The following BBOF1 variants were observed in gnomAD, a reference collection of about 807,000 sequenced individuals.
BBOF1 encodes the protein basal body-orientation factor 1.
In BBOF1, 62 loss-of-function variants were observed where a neutral mutation model predicts 68.0. That is an observed-to-expected ratio of 0.91 (90% CI 0.74 to 1.13). BBOF1 has a LOEUF of 1.13. Ranked by LOEUF, BBOF1 falls within the 50% of genes most tolerant of loss-of-function variation. The pLI is 0.00. For missense variants in BBOF1, 534 were observed against 600.1 expected, an observed-to-expected ratio of 0.89 and a Z score of 1.15; for synonymous variants, 208 against 198.8, an observed-to-expected ratio of 1.05 and a Z score of -0.39.
At chr14:74,054,825 C>T in intron 8 of BBOF1, 2 of 174,928 alleles carry the variant, frequency 1.1e-5, no homozygotes, top group South Asian at 9.1e-5. Flanking sequence ...ATTAGAGGAG[C>T]CTGCCACCAT....
downstream of BBOF1, chr14:74,069,085 T>C: frequency 8.0e-7 from 1 of 1,256,160 alleles, no homozygotes. Flanking sequence ...TTTCCTGTGT[T>C]TTTCTTTTAC....
chr14:74,072,786 T>C (rs1327077293), intron 9 of BBOF1, among the ~76,000 whole-genome samples: 4 of 152,172 alleles, frequency 2.6e-5, no homozygotes, highest in Admixed American at 2.6e-4. Context: ...TCCCTATCTA[T>C]TCTGTGTGTG....
At chr14:74,070,985 T>C, downstream of BBOF1, 1 of 600,610 alleles carries the variant, frequency 1.7e-6, no homozygotes, top group Non-Finnish European at 3.0e-6. Context: ...AGTGTCCCAA[T>C]ATATACTGTA....
At chr14:74,021,991 A>G (rs888110677) in intron 1 of BBOF1, among the ~76,000 whole-genome samples, 4 of 152,124 alleles carry the variant, frequency 2.6e-5, no homozygotes, top group Admixed American at 1.3e-4. Flanking sequence ...GGGTATCATC[A>G]TGCAGAAACT....
intron 2 of BBOF1, among the ~76,000 whole-genome samples, chr14:74,026,807 C>G (rs1377848848): frequency 6.6e-6 from 1 of 151,122 alleles, no homozygotes; most frequent in East Asian, 2.0e-4. Flanking sequence ...CACCTGTAAT[C>G]CCAGCTACTC....
intron 11 of BBOF1, chr14:74,060,621 C>G: frequency 6.6e-7 from 1 of 1,511,988 alleles, no homozygotes; most frequent in Admixed American, 1.7e-5. Flanking sequence ...AGGATGGAGT[C>G]AGTCTTAAAC....
At chr14:74,026,314 C>T (rs1389443097) in intron 2 of BBOF1, among the ~76,000 whole-genome samples, 1 of 151,094 alleles carries the variant, frequency 6.6e-6, no homozygotes, top group Non-Finnish European at 1.5e-5. Flanking sequence ...TGGTGGTGGG[C>T]ACCTGTAATT....
chr14:74,067,018 C>T (rs2060477542), downstream of BBOF1: 2 of 850,260 alleles, frequency 2.4e-6, no homozygotes, highest in Non-Finnish European at 1.9e-6. Flanking sequence ...GAGTTCCAGA[C>T]CAGCCTGGGC....
At chr14:74,072,097 C>G in intron 9 of BBOF1, 1 of 1,579,248 alleles carries the variant, frequency 6.3e-7, no homozygotes, top group Non-Finnish European at 8.7e-7. Context: ...TGATCAACGT[C>G]TCTGCATACT....
At chr14:74,047,870 T>C in intron 6 of BBOF1, 60 bp from the exon 7 acceptor site, 1 of 1,464,132 alleles carries the variant, frequency 6.8e-7, no homozygotes, top group South Asian at 1.4e-5. Context: ...GCAATCATTT[T>C]TCTATTTTGG....
intron 9 of BBOF1, chr14:74,071,538 T>C (rs530294210): frequency 6.2e-7 from 1 of 1,612,688 alleles, no homozygotes; most frequent in African/African-American, 1.3e-5. Flanking sequence ...CCACACTGTG[T>C]ACTAGTTAGC....
intron 5 of BBOF1, among the ~76,000 whole-genome samples, chr14:74,044,864 G>A (rs1303817896): frequency 6.6e-6 from 1 of 152,138 alleles, no homozygotes; most frequent in Non-Finnish European, 1.5e-5. Context: ...GGCAGAGGTT[G>A]CAGTGAGCTG....
chr14:74,031,575 G>T (rs536625666), intron 3 of BBOF1, among the ~76,000 whole-genome samples: 11 of 152,100 alleles, frequency 7.2e-5, no homozygotes, highest in Non-Finnish European at 1.6e-4. Flanking sequence ...GAAGGTCAGG[G>T]TGCTAGCATG....
chr14:74,042,476 G>T (rs2059844161), intron 5 of BBOF1, among the ~76,000 whole-genome samples: 1 of 152,178 alleles, frequency 6.6e-6, no homozygotes, highest in Non-Finnish European at 1.5e-5. Flanking sequence ...TTATATATGA[G>T]AGCAGATGGC....
At chr14:74,054,678 CTTTT>C (rs551602396) in intron 8 of BBOF1, among the ~76,000 whole-genome samples, 1 of 119,202 alleles carries the variant, frequency 8.4e-6, no homozygotes, top group Non-Finnish European at 1.7e-5. Context: ...CACCCAGGCT[CTTTT>C]TTTTTTTTTT....
chr14:74,053,863 C>T (rs2139656025), intron 8 of BBOF1, among the ~76,000 whole-genome samples: 1 of 152,008 alleles, frequency 6.6e-6, no homozygotes, highest in South Asian at 2.1e-4. Flanking sequence ...AGGTGCATGC[C>T]ACCACGTCTG....
At position 74,065,218 on chromosome 14, in the gene BBOF1, G is replaced by C. The variant is rs1450028746; in HGVS notation, c.*519G>C. ...CACCAAGTGGGCATATTTCCGAGCAGTGGCTCCATTGGTGGTGAAGATGGC... is the reference window on the plus strand; with the variant it reads ...CACCAAGTGGGCATATTTCCGAGCACTGGCTCCATTGGTGGTGAAGATGGC... On this transcript the variant is annotated 3_prime_UTR_variant, in exon 12 of 12. Transcript: ENST00000394009. 1 of 1,614,164 alleles carries C rather than the reference G, an allele frequency of 6.2e-7. No individual in the cohort carries two copies. The highest frequency in any genetic ancestry group is 8.5e-7 in the Non-Finnish European group (1 of 1,180,022).
intron 3 of BBOF1, among the ~76,000 whole-genome samples, chr14:74,033,035 T>C (rs2059613092): frequency 6.6e-6 from 1 of 152,020 alleles, no homozygotes; most frequent in African/African-American, 2.4e-5. Context: ...TCCTCCTTCT[T>C]TCTCCTACCT....
chr14:74,060,834 T>C, intron 11 of BBOF1: 2 of 906,688 alleles, frequency 2.2e-6, no homozygotes, highest in Non-Finnish European at 3.7e-6. Flanking sequence ...TATTATAAAG[T>C]GCTACTCACT....
Sources: allele counts gnomAD v4.1 joint callset (sites outside exome capture counted in the v4.1 genomes callset), GRCh38; gene constraint gnomAD v4.1.1; transcripts MANE v1.5; gene names NCBI Gene and HGNC (gene_info 2026-07-23, HGNC 2026-07-21).